The following CFAP92 variants were observed in gnomAD, a reference collection of about 807,000 sequenced individuals.
CFAP92 encodes cilia and flagella associated protein 92 (putative), also known as uncharacterized protein CFAP92.
CFAP92 carries 86 observed loss-of-function variants against 106.3 expected under a neutral mutation model. The observed-to-expected ratio is 0.81, with a 90% confidence interval of 0.68 to 0.97. The LOEUF is 0.97. Among genes scored for constraint, CFAP92 ranks in the 50% least tolerant of loss-of-function variants. CFAP92 has a pLI of 0.00. For missense variants in CFAP92, 1,204 were observed against 1,283.8 expected, an observed-to-expected ratio of 0.94 and a Z score of 0.95; for synonymous variants, 477 against 506.4, an observed-to-expected ratio of 0.94 and a Z score of 0.78.
chr3:129,024,114 G>A, the CFAP92 span, among the ~76,000 whole-genome samples: 1 of 152,210 alleles, frequency 6.6e-6, no homozygotes, highest in East Asian at 1.9e-4. Context: ...GGAAATCCCA[G>A]TCTGGTGAGA....
In CFAP92 at chr3:128,928,841, G is replaced by GA. The variant is rs200701933; in HGVS notation, c.2751+3858dup. Among the ~76,000 whole-genome samples, 738 of 151,320 alleles carry GA rather than the reference G, an allele frequency of 4.9e-3. 8 individuals are homozygous for GA. The highest frequency in any genetic ancestry group is 0.017 in the African/African-American group (701 of 41,274). On this transcript the variant is annotated intron_variant, in intron 12 of 15. Transcript: ENST00000645291. The stretch of plus-strand genomic sequence containing the variant: ...CTTCAAAATTTTCTTATACCATTAA[G>GA]AAAAAAAAGAAAAGCCACAAATATG...
In CFAP92 at chr3:128,915,530, A is replaced by G; in HGVS notation, c.2950T>C (p.Tyr984His). Residue 984 changes from tyrosine to histidine, a missense_variant, in exon 14 of 16, where the codon TAC (tyrosine) becomes CAC (histidine). Transcript: ENST00000645291. Reference protein sequence around the residue: ...PRKRFTYSQDYLSAMVEPLDL... With the variant: ...PRKRFTYSQDHLSAMVEPLDL... The stretch of plus-strand genomic sequence containing the variant: ...AGGGGCTCCACCATGGCTGAGAGGT[A>G]ATCCTGTGAGTACGTGAATCTCTTT... 1 of 1,533,002 alleles carries G rather than the reference A, an allele frequency of 6.5e-7. No individual in the cohort carries two copies. Among genetic ancestry groups the G allele is most frequent in the Non-Finnish European group, 8.7e-7 (1 of 1,145,464 alleles). 95.0% of individuals were successfully genotyped at this position (1,533,002 alleles called of 1,614,324 possible).
chr3:128,974,829 A>G (rs939486978), intron 7 of CFAP92, among the ~76,000 whole-genome samples: 5 of 144,568 alleles, frequency 3.5e-5, no homozygotes, highest in South Asian at 2.2e-4. Context: ...TCAGAAAAAA[A>G]AAGAAGAGAA....
chr3:128,952,866 C>T (rs953040770), intron 9 of CFAP92, among the ~76,000 whole-genome samples: 2 of 151,348 alleles, frequency 1.3e-5, no homozygotes, highest in African/African-American at 2.4e-5. Context: ...GGGTGGCTCA[C>T]GAGATCAGGA....
At chr3:128,971,263 G>C in intron 8 of CFAP92, 24 bp downstream of exon 8, 1 of 1,613,646 alleles carries the variant, frequency 6.2e-7, no homozygotes, top group Non-Finnish European at 8.5e-7. Flanking sequence ...AGGAGCTGCT[G>C]GGAACAGGGC....
intron 7 of CFAP92, among the ~76,000 whole-genome samples, chr3:128,972,614 G>T (rs1314010056): frequency 6.6e-6 from 1 of 151,614 alleles, no homozygotes; most frequent in Non-Finnish European, 1.5e-5. Flanking sequence ...CTGGCACTTT[G>T]GGAGGCTGAG....
At chr3:128,972,276 C>G (rs1404858507) in intron 7 of CFAP92, among the ~76,000 whole-genome samples, 1 of 151,506 alleles carries the variant, frequency 6.6e-6, no homozygotes, top group Non-Finnish European at 1.5e-5. Context: ...GAGTTTCACT[C>G]TGTTGCCCAG....
chr3:129,024,483 A>G, the CFAP92 span, among the ~76,000 whole-genome samples: 1 of 151,988 alleles, frequency 6.6e-6, no homozygotes, highest in East Asian at 1.9e-4. Context: ...GTGAGCCGAG[A>G]TTGCACCACT....
intron 12 of CFAP92, among the ~76,000 whole-genome samples, chr3:128,916,486 T>C (rs138221440): frequency 1.1e-3 from 161 of 152,248 alleles, no homozygotes; most frequent in African/African-American, 3.6e-3. Context: ...GACCAAAAAA[T>C]TGAGACCCCT....
chr3:129,006,310 T>C (rs982213664), upstream of CFAP92, among the ~76,000 whole-genome samples: 2 of 152,204 alleles, frequency 1.3e-5, no homozygotes, highest in African/African-American at 4.8e-5. Flanking sequence ...ACTGGAGTTC[T>C]GTTTTTTGTT....
intron 5 of CFAP92, among the ~76,000 whole-genome samples, chr3:128,977,342 C>T (rs1456751233): frequency 2.0e-5 from 3 of 152,114 alleles, no homozygotes; most frequent in African/African-American, 7.2e-5. Context: ...TTGTCCATTT[C>T]AGTCCTGTTT....
At chr3:128,943,086 C>CATTTTTGT (rs1250524707) in intron 10 of CFAP92, among the ~76,000 whole-genome samples, 1 of 151,420 alleles carries the variant, frequency 6.6e-6, no homozygotes, top group Non-Finnish European at 1.5e-5. Context: ...CAGCCTGGCT[C>CATTTTTGT]ATTTTTGTAT....
At chr3:129,024,592 T>G in the CFAP92 span, among the ~76,000 whole-genome samples, 3 of 151,282 alleles carry the variant, frequency 2.0e-5, no homozygotes, top group Non-Finnish European at 4.4e-5. Flanking sequence ...TTCTGGAGGC[T>G]GGGAAGTAAA....
At chr3:128,970,700 C>A in intron 8 of CFAP92, 1 of 152,218 alleles carries the variant, frequency 6.6e-6, no homozygotes, top group Non-Finnish European at 1.5e-5. Flanking sequence ...TAATTAAATC[C>A]CTGTTTGGCC....
At chr3:129,003,401 G>C (rs1209426361), upstream of CFAP92, 1 of 547,774 alleles carries the variant, frequency 1.8e-6, no homozygotes, top group Non-Finnish European at 2.3e-6. Flanking sequence ...CACGGGGAGG[G>C]CTGGAAATGC....
chr3:129,012,668 C>T, the CFAP92 span, among the ~76,000 whole-genome samples: 2 of 152,134 alleles, frequency 1.3e-5, no homozygotes, highest in African/African-American at 2.4e-5. Flanking sequence ...CACGCTCAAC[C>T]CTGAAGTGGG....
At position 128,923,307 on chromosome 3, in the gene CFAP92, G is replaced by A. The variant is rs568103726; in HGVS notation, c.2752-7036C>T. Reference sequence around the variant, plus strand: ...TGGAATGAGGACCGACTGGAGTCACGCTGACATCAACCCCCATAACATGGG... The same window carrying A: ...TGGAATGAGGACCGACTGGAGTCACACTGACATCAACCCCCATAACATGGG... On this transcript the variant is annotated intron_variant, in intron 12 of 15. Coordinates refer to ENST00000645291, the MANE Select transcript of CFAP92 (RefSeq NM_001394090.1). Among the ~76,000 whole-genome samples, 14 of 152,310 alleles carry A rather than the reference G, an allele frequency of 9.2e-5. No homozygotes were observed. In the South Asian group the frequency reaches 1.0e-3, roughly 11 times the overall value.
chr3:128,944,792 T>C (rs1463637130), intron 10 of CFAP92, among the ~76,000 whole-genome samples: 1 of 152,162 alleles, frequency 6.6e-6, no homozygotes, highest in African/African-American at 2.4e-5. Context: ...ATTCTGCTCC[T>C]GTTTAGCCAC....
At chr3:128,982,569 A>G (rs1419604592) in intron 4 of CFAP92, among the ~76,000 whole-genome samples, 2 of 152,036 alleles carry the variant, frequency 1.3e-5, no homozygotes, top group African/African-American at 4.8e-5. Context: ...TACATCCTCA[A>G]CTTGGCTAAC....
Sources: gnomAD v4.1 joint callset for allele counts (sites outside exome capture counted in the v4.1 genomes callset) on GRCh38, gnomAD v4.1.1 for gene constraint, MANE v1.5 for transcripts, NCBI Gene and HGNC (gene_info 2026-07-23, HGNC 2026-07-21) for gene names.